AIRE: variants seen among roughly 807,000 people sequenced by gnomAD.
AIRE encodes autoimmune regulator, also known as autoimmune polyendocrinopathy candidiasis ectodermal dystrophy protein.
Under a neutral mutation model 62.1 loss-of-function variants are expected in AIRE, and 52 were observed. The observed-to-expected ratio is 0.84, with a 90% CI of 0.67 to 1.06. The LOEUF (loss-of-function observed/expected upper bound fraction) is 1.06. AIRE is among the 50% of genes least tolerant of loss of function. The pLI, the probability that AIRE is intolerant of heterozygous loss-of-function variation, is 0.00. For synonymous variants in AIRE, 342 were observed against 321.6 expected (o/e 1.06, Z -0.68); for missense variants, 774 against 755.8 (o/e 1.02, Z -0.28).
chr21:44,291,208 C>T lies in AIRE; in HGVS notation c.993C>T (p.Pro331=), dbSNP rs761394248. 10 of 1,600,652 alleles carry T rather than the reference C, an allele frequency of 6.2e-6. No individual in the cohort carries two copies. The South Asian group carries it at 8.8e-5, about 14-fold the overall frequency. The stretch of plus-strand genomic sequence containing the variant: ...TGTCCCCTCCGCTCCGGGAGATCCC[C>T]AGGTGAGCCTGCACCTCTGCCAGCG... ...ACLSPPLREI[P]SGTWRCSSCL... Residue 331 remains proline, a splice_region_variant and synonymous_variant, in exon 8 of 14, where the codon CCC becomes CCT. Coordinates refer to ENST00000291582, the MANE Select transcript of AIRE (RefSeq NM_000383.4).
Position 44,292,992 on chromosome 21 carries a change from G to A in AIRE, c.1096-1G>A, listed in dbSNP as rs780906602. 2 of 1,612,132 alleles carry A rather than the reference G, an allele frequency of 1.2e-6. No homozygotes were observed. The highest frequency in any genetic ancestry group is 1.7e-6 in the Non-Finnish European group (2 of 1,179,750). ...CTCTGATGCTGACCCTTGGGTTCCA[G>A]CTCCCCCCGGGGCTTAGGTCGGCGG... is the stretch of plus-strand genomic sequence containing the variant. On this transcript the variant is annotated splice_acceptor_variant, in intron 9 of 13. Coordinates refer to ENST00000291582, the MANE Select transcript of AIRE (RefSeq NM_000383.4). LOFTEE classifies it high-confidence loss of function.
Position 44,294,626 on chromosome 21 carries a change from C to T in AIRE, c.1503+123C>T, listed in dbSNP as rs143442916. Reference sequence around the variant, plus strand: ...GCCAGCTTCGAGGGCTTGCACCAGACGCACTGACCATGTGCTCATTATCTG... The same window carrying T: ...GCCAGCTTCGAGGGCTTGCACCAGATGCACTGACCATGTGCTCATTATCTG... On this transcript the variant is annotated intron_variant, in intron 12 of 13. Transcript: ENST00000291582. 1.6e-3 allele frequency: 764 copies of T among 478,790 alleles called. 5 individuals are homozygous for T. Among genetic ancestry groups the T allele is most frequent in the African/African-American group, 0.011 (575 of 50,286 alleles). The allele number at this position is 478,790 out of a possible 1,614,324, so 29.7% of individuals were successfully genotyped here. A position where few individuals can be genotyped will look rare whatever the true frequency, so the allele number is the denominator to read the frequency against.
intron 10 of AIRE, 131 bp downstream of exon 10, chr21:44,293,306 T>C: frequency 3.4e-6 from 1 of 298,158 alleles, no homozygotes; most frequent in Non-Finnish European, 4.9e-6. Flanking sequence ...GGCCTGGGGC[T>C]GTGGGGGGAG....
intron 9 of AIRE, 76 bp downstream of exon 9, chr21:44,292,477 C>T: frequency 1.0e-6 from 1 of 980,760 alleles, no homozygotes; most frequent in Non-Finnish European, 1.6e-6. Flanking sequence ...CTGGGCCACC[C>T]CCTCCTGTCC....
Position 44,292,398 on chromosome 21 carries a change from C to T in AIRE, c.1092C>T (p.Thr364=). Residue 364 remains threonine (T), a synonymous_variant, in exon 9 of 14, where the codon ACC becomes ACT. Transcript: ENST00000291582. ...GGCCCCAGGAGCCACCCGTGGAGAC[C>T]CCGGTATGGCCACGCCCCCTCCTAG... The part of the protein sequence containing the change: ...EPRPQEPPVE[T]PLPPGLRSAG... 6.5e-7 allele frequency: 1 copy of T among 1,549,690 alleles called. No homozygotes were observed. The highest frequency in any genetic ancestry group is 2.4e-5 in the East Asian group (1 of 41,280).
chr21:44,297,788 T>C lies in AIRE; in HGVS notation c.*61T>C. 2 of 1,518,160 alleles carry C rather than the reference T, an allele frequency of 1.3e-6. No individual in the cohort carries two copies. Among genetic ancestry groups the C allele is most frequent in the Non-Finnish European group, 1.8e-6 (2 of 1,098,522 alleles). 94.0% of individuals were successfully genotyped at this position (1,518,160 alleles called of 1,614,324 possible). A position where few individuals can be genotyped will look rare whatever the true frequency, so the allele number is the denominator to read the frequency against. On this transcript the variant is annotated 3_prime_UTR_variant, in exon 14 of 14. Transcript: ENST00000291582. This position sits in a 1 kb window ranked among gnomAD's most constrained non-coding sequence, Gnocchi z 4.8. The stretch of plus-strand genomic sequence containing the variant: ...AGTGCTGAGAAGGACACCTCCTTCC[T>C]CAGTCCTGGAAGCCGGCCGGCTGGG...
At chr21:44,292,947 C>T (rs369566870) in intron 9 of AIRE, 46 bp from the exon 10 acceptor site, 55 of 1,582,606 alleles carry the variant, frequency 3.5e-5, no homozygotes, top group South Asian at 3.1e-4. Flanking sequence ...TGGGTGGTGC[C>T]GGGCAGGCGC....
At chr21:44,290,828 G>C in intron 7 of AIRE, 1 of 1,564,568 alleles carries the variant, frequency 6.4e-7, no homozygotes, top group Non-Finnish European at 8.7e-7. Context: ...GTACAGTTCC[G>C]GGGCCCCTGG....
rs925830128 is a variant in AIRE, at chr21:44,286,383, C to G, written c.133-174C>G. On this transcript the variant is annotated intron_variant, in intron 1 of 13. Transcript: ENST00000291582. This position sits in a 1 kb window ranked among gnomAD's most constrained non-coding sequence, Gnocchi z 6.0. The stretch of plus-strand genomic sequence containing the variant: ...GCCTCCAGGTTCCCCCAGCCCCACC[C>G]TCAACACCCCTACACCACCACCTGA... 2.0e-5 allele frequency among the ~76,000 whole-genome samples: 3 copies of G among 152,108 alleles called. No individual in the cohort carries two copies. Among genetic ancestry groups the G allele is most frequent in the Non-Finnish European group, 2.9e-5 (2 of 68,008 alleles).
rs1419506464 is a variant in AIRE at position 44,286,188 on chromosome 21, A to T, written c.132+50A>T. The T allele has an allele frequency of 5.5e-6, 7 of 1,281,198 alleles. No homozygotes were observed. The highest frequency in any genetic ancestry group is 1.8e-5 in the African/African-American group (1 of 56,088). 79.4% of individuals were successfully genotyped at this position (1,281,198 alleles called of 1,614,324 possible). A position where few individuals can be genotyped will look rare whatever the true frequency, so the allele number is the denominator to read the frequency against. On this transcript the variant is annotated intron_variant, in intron 1 of 13. Coordinates refer to ENST00000291582, the MANE Select transcript of AIRE (RefSeq NM_000383.4). This position sits in a 1 kb window ranked among gnomAD's most constrained non-coding sequence, Gnocchi z 6.0. ...TGCCCCCAGGCCCTGTGAGCCAGGG[A>T]TAGTCCCCGGGGAAGTTCCAGGAGG...
Position 44,286,285 on chromosome 21 carries a change from C to T in AIRE, c.132+147C>T. 3 of 990,658 alleles carry T rather than the reference C, an allele frequency of 3.0e-6. No homozygotes were observed. Among genetic ancestry groups the T allele is most frequent in the South Asian group, 3.1e-5 (2 of 64,756 alleles). The allele number at this position is 990,658 out of a possible 1,614,324, so 61.4% of individuals were successfully genotyped here. A position where few individuals can be genotyped will look rare whatever the true frequency, so the allele number is the denominator to read the frequency against. On this transcript the variant is annotated intron_variant, in intron 1 of 13. Coordinates refer to ENST00000291582, the MANE Select transcript of AIRE (RefSeq NM_000383.4). This position sits in a 1 kb window ranked among gnomAD's most constrained non-coding sequence, Gnocchi z 6.0. The stretch of plus-strand genomic sequence containing the variant: ...CCTCCCCACAAGGAGCCAGGGGCGT[C>T]CCTGATGACAAGTTAGAAGTTGGTC...
rs377756417 is a variant in AIRE at position 44,293,779 on chromosome 21, C to A, written c.1279-10C>A. On this transcript the variant is annotated splice_polypyrimidine_tract_variant and intron_variant, in intron 10 of 13. Transcript: ENST00000291582. ...CCCCCCGCGTCACCCCGCGCTGTTGCCTCCCACAGAACCTGGCTCCTGGTG... is the reference window on the plus strand; with the variant it reads ...CCCCCCGCGTCACCCCGCGCTGTTGACTCCCACAGAACCTGGCTCCTGGTG... 1 of 1,596,050 alleles carries A rather than the reference C, an allele frequency of 6.3e-7. No homozygotes were observed. Among genetic ancestry groups the A allele is most frequent in the South Asian group, 1.1e-5 (1 of 91,002 alleles).
Position 44,287,608 on chromosome 21 carries a change from G to A in AIRE, c.538+17G>A. On this transcript the variant is annotated intron_variant, in intron 4 of 13. Coordinates refer to ENST00000291582, the MANE Select transcript of AIRE (RefSeq NM_000383.4). This position sits in a 1 kb window ranked among gnomAD's most constrained non-coding sequence, Gnocchi z 4.3. ...TCGGGAACGGTGAGCGGGGCCCAGT[G>A]GGAGCGCCTCCCTTCTCCCTGGCCA... 6.5e-7 allele frequency: 1 copy of A among 1,549,662 alleles called. No homozygotes were observed. Among genetic ancestry groups the A allele is most frequent in the South Asian group, 1.2e-5 (1 of 84,114 alleles).
At chr21:44,292,549 C>G in intron 9 of AIRE, 148 bp downstream of exon 9, 1 of 636,858 alleles carries the variant, frequency 1.6e-6, no homozygotes, top group Non-Finnish European at 2.8e-6. Flanking sequence ...GTCCCCCATG[C>G]CCAAGCCCGG....
intron 5 of AIRE, chr21:44,289,268 T>C: frequency 8.9e-6 from 2 of 225,718 alleles, no homozygotes; most frequent in Non-Finnish European, 8.0e-6. Context: ...TCCTTGTTCC[T>C]GGGCTCAGGA....
At position 44,290,055 on chromosome 21, in the gene AIRE, C is replaced by T. The variant is rs761523201; in HGVS notation, c.866C>T (p.Pro289Leu). 3 of 1,612,062 alleles carry T rather than the reference C, an allele frequency of 1.9e-6. No individual in the cohort carries two copies. The highest frequency in any genetic ancestry group is 2.7e-5 in the African/African-American group (2 of 74,922). ...GCCCCTCTGGCCCTCCCCAGTGACC[C>T]CCAGCTCCACCAGGTAATGCCCTAG... is the stretch of plus-strand genomic sequence containing the variant. ...VPAPLALPSD[P>L]QLHQKNEDEC... Residue 289 changes from proline to leucine, a missense_variant, in exon 7 of 14, where the codon CCC becomes CTC. Transcript: ENST00000291582.
At chr21:44,292,905 TG>T in intron 9 of AIRE, 87 bp from the exon 10 acceptor site, 1 of 1,290,710 alleles carries the variant, frequency 7.7e-7, no homozygotes, top group Non-Finnish European at 1.1e-6. Flanking sequence ...CCTGCTGCCC[TG>T]GGTTTCAGGG....
chr21:44,294,347 A>G (rs1369077079), intron 11 of AIRE, 54 bp from the exon 12 acceptor site: 1 of 1,046,988 alleles, frequency 9.6e-7, no homozygotes, highest in Non-Finnish European at 1.3e-6. Flanking sequence ...CATACCCCGG[A>G]GGTGGCACTC....
intron 8 of AIRE, 92 bp downstream of exon 8, chr21:44,291,302 T>C: frequency 1.3e-6 from 2 of 1,532,322 alleles, no homozygotes; most frequent in Non-Finnish European, 1.8e-6. Flanking sequence ...CCCAAGCCTC[T>C]CCCATCCAAG....
Sources: gnomAD v4.1 joint callset for allele counts (sites outside exome capture counted in the v4.1 genomes callset) on GRCh38, gnomAD v4.1.1 for gene constraint, Gnocchi (gnomAD v3.1) non-coding constraint, MANE v1.5 for transcripts, NCBI Gene and HGNC (gene_info 2026-07-23, HGNC 2026-07-21) for gene names.